The following CFAP43 variants were observed in gnomAD, a reference collection of about 807,000 sequenced individuals.
CFAP43 encodes cilia- and flagella-associated protein 43.
In CFAP43, 155 loss-of-function variants were observed where a neutral mutation model predicts 218.9. The ratio of observed to expected loss-of-function variants is 0.71; its 90% CI spans 0.62 to 0.81. The LOEUF (loss-of-function observed/expected upper bound fraction) is 0.81, where lower values mean the gene tolerates loss of function less well. CFAP43 is among the 30% of genes least tolerant of loss of function. CFAP43 has a pLI of 0.00. For synonymous variants in CFAP43, 645 were observed against 681.3 expected (o/e 0.95, Z 0.83); for missense variants, 1,778 against 1,954.3 (o/e 0.91, Z 1.70).
intron 28 of CFAP43, among the ~76,000 whole-genome samples, chr10:104,150,342 C>T (rs1357377412): frequency 6.6e-6 from 1 of 152,198 alleles, no homozygotes. Flanking sequence ...GTGGCCACAA[C>T]TCCCAAGAGC....
chr10:104,170,895 C>G (rs1203728000), intron 20 of CFAP43, among the ~76,000 whole-genome samples: 3 of 152,174 alleles, frequency 2.0e-5, no homozygotes, highest in South Asian at 4.1e-4. Flanking sequence ...TAGGCTCTCT[C>G]CCATCCACGA....
At position 104,152,700 on chromosome 10, in the gene CFAP43, A is replaced by T. The variant is rs757460586; in HGVS notation, c.3567T>A (p.Leu1189=). The change falls in exon 28 of 38, where the codon CTT becomes CTA. Residue 1189 remains leucine, a synonymous_variant. Coordinates refer to ENST00000357060, the MANE Select transcript of CFAP43 (RefSeq NM_025145.7). The part of the protein sequence containing the change: ...RKSLEAELKK[L]QNSIQESTQA... Reference sequence around the variant, plus strand: ...GTGTGCTTTCTTGAATAGAGTTTTGAAGTTTCTTCAGTTCTGCTTCTAATG... The same window carrying T: ...GTGTGCTTTCTTGAATAGAGTTTTGTAGTTTCTTCAGTTCTGCTTCTAATG... 2 of 1,612,398 alleles carry T rather than the reference A, an allele frequency of 1.2e-6. No homozygotes were observed. The highest frequency in any genetic ancestry group is 1.7e-6 in the Non-Finnish European group (2 of 1,179,636).
Position 104,147,926 on chromosome 10 carries a change from G to A in CFAP43, c.3733C>T (p.Leu1245=), listed in dbSNP as rs1401429921. 6.2e-7 allele frequency: 1 copy of A among 1,601,492 alleles called. No individual in the cohort carries two copies. Among genetic ancestry groups the A allele is most frequent in the Admixed American group, 1.7e-5 (1 of 57,688 alleles). ...TGTTTCCTTGTAAGGTAGTTGTTCA[G>A]GAATTTTTCTCTAGAGCTTAATTCT... ...DEELSSREKF[L]NNYLTRKQHE... is the part of the protein sequence containing the mutation. The change falls in exon 29 of 38, where the codon CTG becomes TTG. Residue 1245 remains leucine (L), a synonymous_variant. Transcript: ENST00000357060.
At chr10:104,188,472 C>A in intron 12 of CFAP43, 62 bp from the exon 13 acceptor site, 1 of 1,569,566 alleles carries the variant, frequency 6.4e-7, no homozygotes, top group Non-Finnish European at 8.7e-7. Context: ...GATCTTTTAC[C>A]TTTCCAATTA....
intron 12 of CFAP43, among the ~76,000 whole-genome samples, chr10:104,189,404 A>G (rs1349479206): frequency 1.3e-5 from 2 of 152,098 alleles, no homozygotes; most frequent in East Asian, 1.9e-4. Flanking sequence ...TCTTACCTCT[A>G]TTCCCTCCCT....
intron 33 of CFAP43, 54 bp from the exon 34 acceptor site, chr10:104,141,055 C>A: frequency 6.6e-7 from 1 of 1,511,258 alleles, no homozygotes; most frequent in Admixed American, 2.1e-5. Flanking sequence ...CAAATTTCAC[C>A]TATTATCTGA....
chr10:104,143,719 A>G, intron 31 of CFAP43, 80 bp from the exon 32 acceptor site: 3 of 1,340,746 alleles, frequency 2.2e-6, no homozygotes, highest in Non-Finnish European at 3.1e-6. Context: ...CCCTTAGCAC[A>G]GGCATAACAC....
chr10:104,221,756 T>C (rs2091187802), intron 3 of CFAP43, among the ~76,000 whole-genome samples: 1 of 152,124 alleles, frequency 6.6e-6, no homozygotes, highest in African/African-American at 2.4e-5. Context: ...TCCTTTAACA[T>C]CCCATCTCTC....
At chr10:104,150,477 G>C (rs2088199435) in intron 28 of CFAP43, among the ~76,000 whole-genome samples, 1 of 152,156 alleles carries the variant, frequency 6.6e-6, no homozygotes, top group Non-Finnish European at 1.5e-5. Context: ...GCCACTCCTT[G>C]CTGTTTCCCT....
intron 34 of CFAP43, among the ~76,000 whole-genome samples, chr10:104,137,183 C>A (rs1385369647): frequency 6.6e-6 from 1 of 152,138 alleles, no homozygotes; most frequent in East Asian, 1.9e-4. Flanking sequence ...CAGTTATAGG[C>A]ACCACAATAG....
chr10:104,188,784 T>A (rs567719467), intron 12 of CFAP43, among the ~76,000 whole-genome samples: 1 of 152,294 alleles, frequency 6.6e-6, no homozygotes, highest in South Asian at 2.1e-4. Context: ...TTGGGTAAAC[T>A]TAGGCATCGG....
rs989014992 is a variant in CFAP43 at position 104,203,755 on chromosome 10, C to T, written c.1012G>A (p.Glu338Lys). ...FIIKDRSYMIEDFLEIERPVE... is the reference protein window; with the variant it reads ...FIIKDRSYMIKDFLEIERPVE... ...GGTCTTTCAATCTCAAGAAAATCCTCGATCATGTAACTTCTATCTTTAATA... is the reference window on the plus strand; with the variant it reads ...GGTCTTTCAATCTCAAGAAAATCCTTGATCATGTAACTTCTATCTTTAATA... The change falls in exon 8 of 38, where the codon GAG becomes AAG. Residue 338 changes from glutamate to lysine, a missense_variant. Around this residue, in one of 3 missense-constraint regions of CFAP43, gnomAD observed 1,553 missense variants for 1,685.2 expected, o/e 0.92. Coordinates refer to ENST00000357060, the MANE Select transcript of CFAP43 (RefSeq NM_025145.7). 8 of 1,610,192 alleles carry T rather than the reference C, an allele frequency of 5.0e-6. No homozygotes were observed. The highest frequency in any genetic ancestry group is 3.3e-4 in the Middle Eastern group (2 of 6,076).
chr10:104,161,564 ATTTG>A (rs2088874163), intron 26 of CFAP43, among the ~76,000 whole-genome samples: 1 of 152,078 alleles, frequency 6.6e-6, no homozygotes, highest in Non-Finnish European at 1.5e-5. Flanking sequence ...ATTTTTATTG[ATTTG>A]TTTGTGTCTT....
chr10:104,151,684 T>A lies in CFAP43; in HGVS notation c.3660+923A>T, dbSNP rs557466636. On this transcript the variant is annotated intron_variant, in intron 28 of 37. Transcript: ENST00000357060. Reference sequence around the variant, plus strand: ...AAATATTTTCTCCCATTCTGTAGGTTGTCTGTTTACTCTGTGGATAGTTTC... The same window carrying A: ...AAATATTTTCTCCCATTCTGTAGGTAGTCTGTTTACTCTGTGGATAGTTTC... Among the ~76,000 whole-genome samples the A allele has an allele frequency of 1.8e-4, 28 of 152,334 alleles. No homozygotes were observed. The East Asian group carries it at 3.7e-3, about 20-fold the overall frequency.
At chr10:104,215,489 A>T (rs1227731390) in intron 3 of CFAP43, among the ~76,000 whole-genome samples, 4 of 152,064 alleles carry the variant, frequency 2.6e-5, no homozygotes, top group African/African-American at 9.7e-5. Flanking sequence ...GACTTTTTGC[A>T]TCAGGTACCT....
intron 26 of CFAP43, 134 bp from the exon 27 acceptor site, chr10:104,161,296 A>G (rs942818270): frequency 2.2e-6 from 2 of 909,456 alleles, no homozygotes; most frequent in Admixed American, 5.9e-5. Context: ...ACGACCTGAC[A>G]TCTTGGGCAA....
chr10:104,132,075 A>T, intron 36 of CFAP43, 41 bp downstream of exon 36: 1 of 1,422,088 alleles, frequency 7.0e-7, no homozygotes, highest in Non-Finnish European at 9.7e-7. Flanking sequence ...CAAATGATTT[A>T]CAACTGTTAG....
chr10:104,132,707 C>A, intron 35 of CFAP43: 1 of 985,164 alleles, frequency 1.0e-6, no homozygotes, highest in Non-Finnish European at 1.2e-6. Flanking sequence ...ATTATTACAT[C>A]AAAGCACCAA....
rs754221452 is a variant in CFAP43, at chr10:104,179,872, CCTT to C, written c.2347_2349del (p.Lys783del). 6.2e-7 allele frequency: 1 copy of C among 1,613,622 alleles called. No homozygotes were observed. The highest frequency in any genetic ancestry group is 1.3e-5 in the African/African-American group (1 of 74,898). On this transcript the variant is annotated inframe_deletion, in exon 18 of 38. Transcript: ENST00000357060. ...CTTTTTTGTTGTATCCAAGGAATTTCCTTCTTAACATCGGTTAGAACTAATTCA... is the reference window on the plus strand; with the variant it reads ...CTTTTTTGTTGTATCCAAGGAATTTCCTTAACATCGGTTAGAACTAATTCA...
Sources: allele counts gnomAD v4.1 joint callset (sites outside exome capture counted in the v4.1 genomes callset), GRCh38; gene constraint gnomAD v4.1.1; regional missense constraint gnomAD v4.1.1; transcripts MANE v1.5; gene names NCBI Gene and HGNC (gene_info 2026-07-23, HGNC 2026-07-21).